The following ANKFN1 variants were observed in gnomAD, a reference collection of about 807,000 sequenced individuals.
ANKFN1 encodes ankyrin repeat and fibronectin type III domain containing 1.
In ANKFN1, 74 loss-of-function variants were observed where a neutral mutation model predicts 108.7. The ratio of observed to expected loss-of-function variants is 0.68; its 90% confidence interval spans 0.56 to 0.83. The LOEUF is 0.83. Ranked by LOEUF, ANKFN1 falls within the 40% of genes least tolerant of loss-of-function variation. The pLI, the probability that ANKFN1 is intolerant of heterozygous loss-of-function variation, is 0.00. For missense variants in ANKFN1, 1,505 were observed against 1,382.3 expected (o/e 1.09, Z -1.41); for synonymous variants, 547 against 516.2 (o/e 1.06, Z -0.81).
At chr17:56,390,137 A>G (rs1275829251) in intron 8 of ANKFN1, among the ~76,000 whole-genome samples, 2 of 151,828 alleles carry the variant, frequency 1.3e-5, no homozygotes, top group African/African-American at 4.8e-5. Flanking sequence ...CTATCAGCCC[A>G]TCATCTAGGT....
At chr17:56,189,119 T>A (rs997246856) in intron 1 of ANKFN1, among the ~76,000 whole-genome samples, 2 of 151,530 alleles carry the variant, frequency 1.3e-5, no homozygotes, top group African/African-American at 2.4e-5. Flanking sequence ...GTTCCTGAGT[T>A]GTATTCTTTA....
intron 15 of ANKFN1, among the ~76,000 whole-genome samples, chr17:56,467,838 G>T (rs1481325777): frequency 3.1e-5 from 2 of 63,572 alleles, no homozygotes; most frequent in Non-Finnish European, 6.0e-5. Flanking sequence ...AAGAAAGAAA[G>T]AAAGAAAGAA....
At chr17:56,070,379 A>G (rs1905105069) in intron 4 of ANKFN1, among the ~76,000 whole-genome samples, 1 of 152,134 alleles carries the variant, frequency 6.6e-6, no homozygotes, top group Admixed American at 6.5e-5. Flanking sequence ...CCTTCTTTAT[A>G]TGGCCCTTTC....
chr17:56,306,173 C>T (rs1225734043), intron 3 of ANKFN1, among the ~76,000 whole-genome samples: 3 of 152,150 alleles, frequency 2.0e-5, no homozygotes, highest in Non-Finnish European at 4.4e-5. Context: ...TTAGAAAAAT[C>T]TTTTCCATAC....
rs1024622678 is a variant in ANKFN1 at position 56,513,525 on chromosome 17, A to G, written c.*2256A>G. ...GAGATTCTAGGATTGTGAAAAACTAAGAATCCAAGGTATTTCCTGATCCTG... is the reference window on the plus strand; with the variant it reads ...GAGATTCTAGGATTGTGAAAAACTAGGAATCCAAGGTATTTCCTGATCCTG... On this transcript the variant is annotated 3_prime_UTR_variant, in exon 21 of 21. Coordinates refer to ENST00000682825, the MANE Select transcript of ANKFN1 (RefSeq NM_001370326.1). Among the ~76,000 whole-genome samples, 2 of 152,226 alleles carry G rather than the reference A, an allele frequency of 1.3e-5. No homozygotes were observed. Among genetic ancestry groups the G allele is most frequent in the African/African-American group, 4.8e-5 (2 of 41,456 alleles).
Position 56,510,956 on chromosome 17 carries a change from G to T in ANKFN1, c.3128G>T (p.Gly1043Val). Residue 1043 changes from glycine (G) to valine (V), a missense_variant, in exon 21 of 21, where the codon GGT becomes GTT. Coordinates refer to ENST00000682825, the MANE Select transcript of ANKFN1 (RefSeq NM_001370326.1). ...IYTQHLSQAC[G>V]LAQEPKEAKR... is the part of the protein sequence containing the mutation. Reference sequence around the variant, plus strand: ...ACACAGCACCTGTCCCAGGCCTGTGGTCTGGCCCAGGAGCCCAAGGAGGCC... The same window carrying T: ...ACACAGCACCTGTCCCAGGCCTGTGTTCTGGCCCAGGAGCCCAAGGAGGCC... 1 of 1,536,112 alleles carries T rather than the reference G, an allele frequency of 6.5e-7. No individual in the cohort carries two copies. The highest frequency in any genetic ancestry group is 8.7e-7 in the Non-Finnish European group (1 of 1,146,888).
chr17:56,167,967 T>C (rs957123736), intron 1 of ANKFN1, among the ~76,000 whole-genome samples: 4 of 152,104 alleles, frequency 2.6e-5, no homozygotes, highest in Admixed American at 6.6e-5. Flanking sequence ...CAGTGACCAC[T>C]AGAAATGTCT....
At chr17:56,109,297 G>A (rs945127633) in intron 4 of ANKFN1, among the ~76,000 whole-genome samples, 5 of 152,140 alleles carry the variant, frequency 3.3e-5, no homozygotes, top group Non-Finnish European at 4.4e-5. Context: ...GTTACTCAGG[G>A]ACATGGGTGG....
chr17:56,092,687 C>T (rs952716572), intron 4 of ANKFN1, among the ~76,000 whole-genome samples: 2 of 151,300 alleles, frequency 1.3e-5, no homozygotes, highest in Non-Finnish European at 3.0e-5. Flanking sequence ...GTTTGCTACA[C>T]AGCATCTCAC....
chr17:56,110,448 T>G (rs1567789146), intron 4 of ANKFN1, among the ~76,000 whole-genome samples: 1 of 152,198 alleles, frequency 6.6e-6, no homozygotes, highest in Non-Finnish European at 1.5e-5. Flanking sequence ...TAATTATATA[T>G]TTGCTTGTGG....
chr17:56,262,349 C>T (rs1389099054), intron 3 of ANKFN1, among the ~76,000 whole-genome samples: 1 of 152,246 alleles, frequency 6.6e-6, no homozygotes, highest in African/African-American at 2.4e-5. Flanking sequence ...TTCAATCCGT[C>T]GCAGCCACCC....
intron 4 of ANKFN1, among the ~76,000 whole-genome samples, chr17:56,110,240 C>G (rs1905881292): frequency 6.6e-6 from 1 of 152,208 alleles, no homozygotes; most frequent in African/African-American, 2.4e-5. Context: ...ACCATACATA[C>G]CATCTTTTCT....
intron 3 of ANKFN1, among the ~76,000 whole-genome samples, chr17:56,306,422 A>T (rs1191899052): frequency 6.6e-6 from 1 of 152,216 alleles, no homozygotes; most frequent in South Asian, 2.1e-4. Flanking sequence ...AAGCATTCTT[A>T]TACACCAATA....
intron 8 of ANKFN1, among the ~76,000 whole-genome samples, chr17:56,420,132 C>T (rs1360366153): frequency 6.6e-6 from 1 of 152,142 alleles, no homozygotes; most frequent in Non-Finnish European, 1.5e-5. Context: ...GCCTTTCTAC[C>T]TCTCCCCAAC....
At chr17:56,496,891 A>G (rs151079555) in intron 19 of ANKFN1, among the ~76,000 whole-genome samples, 347 of 152,248 alleles carry the variant, frequency 2.3e-3, no homozygotes, top group Middle Eastern at 0.014. Flanking sequence ...ATAATATGTA[A>G]TTGATAAAGT....
At chr17:56,263,011 C>CA (rs1361324072) in intron 3 of ANKFN1, among the ~76,000 whole-genome samples, 1 of 152,102 alleles carries the variant, frequency 6.6e-6, no homozygotes, top group Non-Finnish European at 1.5e-5. Flanking sequence ...CTCGAATGAC[C>CA]AAACGTTAGC....
Position 56,315,976 on chromosome 17 carries a change from T to C in ANKFN1, c.54-10245T>C, listed in dbSNP as rs575728944. Reference sequence around the variant, plus strand: ...AACTTTCTTTTTGTTTTTCCTCCTCTGTTCTTCTTTCTTCTCCAATTCATT... The same window carrying C: ...AACTTTCTTTTTGTTTTTCCTCCTCCGTTCTTCTTTCTTCTCCAATTCATT... On this transcript the variant is annotated intron_variant, in intron 3 of 20. Transcript: ENST00000682825. Among the ~76,000 whole-genome samples the C allele has an allele frequency of 6.6e-5, 10 of 152,366 alleles. No individual in the cohort carries two copies. In the East Asian group the frequency reaches 1.7e-3, roughly 26 times the overall value.
intron 3 of ANKFN1, among the ~76,000 whole-genome samples, chr17:56,311,889 G>C (rs1297243781): frequency 1.3e-5 from 2 of 152,070 alleles, no homozygotes; most frequent in Admixed American, 6.5e-5. Flanking sequence ...AAGCATTTCA[G>C]AGAAGGGATA....
intron 3 of ANKFN1, among the ~76,000 whole-genome samples, chr17:56,243,221 T>C (rs1465543929): frequency 6.6e-6 from 1 of 152,100 alleles, no homozygotes; most frequent in Non-Finnish European, 1.5e-5. Context: ...TTTGAGACTT[T>C]CCTCTCTTTC....
Sources: allele counts gnomAD v4.1 joint callset (sites outside exome capture counted in the v4.1 genomes callset), GRCh38; gene constraint gnomAD v4.1.1; transcripts MANE v1.5; gene names NCBI Gene and HGNC (gene_info 2026-07-23, HGNC 2026-07-21).